TBC1D22A: variants seen among roughly 807,000 people sequenced by gnomAD.
The protein encoded by TBC1D22A is putative GTPase activator.
Under a neutral mutation model 60.2 loss-of-function variants are expected in TBC1D22A, and 38 were observed. The ratio of observed to expected loss-of-function variants is 0.63; its 90% CI spans 0.49 to 0.83. The LOEUF (loss-of-function observed/expected upper bound fraction) is 0.83, where lower values mean the gene tolerates loss of function less well. Among genes scored for constraint, TBC1D22A ranks in the 40% least tolerant of loss-of-function variants. The probability of loss-of-function intolerance (pLI) is 0.00; values close to 1 mark genes in which losing one functional copy is unlikely to be tolerated. For synonymous variants in TBC1D22A, 302 were observed against 281.7 expected, an observed-to-expected ratio of 1.07 and a Z score of -0.72; for missense variants, 628 against 701.0, an observed-to-expected ratio of 0.90 and a Z score of 1.18.
chr22:47,052,065 C>G (rs1311241837), intron 11 of TBC1D22A, among the ~76,000 whole-genome samples: 2 of 141,028 alleles, frequency 1.4e-5, no homozygotes, highest in African/African-American at 4.9e-5. Flanking sequence ...GGGGCAGGCT[C>G]TCACTGGGCC....
chr22:47,137,217 G>A lies in TBC1D22A; in HGVS notation c.1425+25614G>A, dbSNP rs541394521. On this transcript the variant is annotated intron_variant, in intron 12 of 12. Coordinates refer to ENST00000337137, the MANE Select transcript of TBC1D22A (RefSeq NM_014346.5). ...GGTAGGATTTCTCAGTTCAACTTTG[G>A]GGTGTTTGTTTTTTGAGATAAAGCA... Among the ~76,000 whole-genome samples, 196 of 152,246 alleles carry A rather than the reference G, an allele frequency of 1.3e-3. 1 individual carries two copies. Among genetic ancestry groups the A allele is most frequent in the Admixed American group, 2.2e-3 (33 of 15,290 alleles).
At chr22:46,845,877 C>T (rs1375809335) in intron 4 of TBC1D22A, among the ~76,000 whole-genome samples, 6 of 152,208 alleles carry the variant, frequency 3.9e-5, no homozygotes, top group Admixed American at 3.9e-4. Flanking sequence ...GGTCGCCAGC[C>T]CTCAGGAAGG....
At chr22:47,159,331 A>ACACACCATGTACACACACAC (rs1556338883) in intron 12 of TBC1D22A, among the ~76,000 whole-genome samples, 964 of 77,582 alleles carry the variant, frequency 0.012, 10 homozygotes, top group African/African-American at 0.028. Context: ...ACACATGTAT[A>ACACACCATGTACACACACAC]CACACACACC....
chr22:46,828,038 C>T (rs573787121), intron 4 of TBC1D22A, among the ~76,000 whole-genome samples: 15 of 152,292 alleles, frequency 9.8e-5, no homozygotes, highest in South Asian at 2.1e-4. Context: ...ATTCCCAGGA[C>T]TTTCACGCCC....
At chr22:46,795,197 G>A (rs772126925) in intron 3 of TBC1D22A, among the ~76,000 whole-genome samples, 2 of 152,224 alleles carry the variant, frequency 1.3e-5, no homozygotes, top group Non-Finnish European at 2.9e-5. Context: ...TGCACTGACC[G>A]CCTTCTGCAG....
intron 8 of TBC1D22A, among the ~76,000 whole-genome samples, chr22:46,931,463 C>T (rs1212248968): frequency 6.6e-6 from 1 of 152,238 alleles, no homozygotes; most frequent in Non-Finnish European, 1.5e-5. Context: ...TAAGAGGTAT[C>T]CTCCCACTTT....
At chr22:46,915,031 C>T (rs2070253031) in intron 8 of TBC1D22A, 3 of 231,494 alleles carry the variant, frequency 1.3e-5, no homozygotes, top group South Asian at 6.5e-5. Flanking sequence ...GCAGAAGGGC[C>T]GGCCTGGAAT....
intron 12 of TBC1D22A, among the ~76,000 whole-genome samples, chr22:47,141,687 G>A (rs1280768547): frequency 2.0e-5 from 3 of 152,188 alleles, no homozygotes; most frequent in East Asian, 1.9e-4. Context: ...TGAGCCACAC[G>A]CCTGTTTGTG....
chr22:46,959,133 G>C (rs1233496786), intron 8 of TBC1D22A, among the ~76,000 whole-genome samples: 1 of 152,152 alleles, frequency 6.6e-6, no homozygotes, highest in Non-Finnish European at 1.5e-5. Context: ...CCTGGATGAG[G>C]AACTGTGGGG....
chr22:47,090,950 A>G (rs2064918886), intron 11 of TBC1D22A, among the ~76,000 whole-genome samples: 1 of 132,210 alleles, frequency 7.6e-6, no homozygotes, highest in African/African-American at 3.0e-5. Flanking sequence ...CTGCGTGTTG[A>G]TAGAGACAGG....
At chr22:47,159,288 T>G (rs568798226) in intron 12 of TBC1D22A, among the ~76,000 whole-genome samples, 345 of 140,716 alleles carry the variant, frequency 2.5e-3, no homozygotes, top group African/African-American at 9.1e-3. Flanking sequence ...ATACACACAC[T>G]ACACACCCCA....
chr22:46,890,988 C>G (rs547511844), intron 5 of TBC1D22A, among the ~76,000 whole-genome samples: 117 of 152,300 alleles, frequency 7.7e-4, no homozygotes, highest in African/African-American at 2.8e-3. Context: ...GCCTGTGGGA[C>G]TGTTGTCCAG....
intron 4 of TBC1D22A, among the ~76,000 whole-genome samples, chr22:46,827,376 G>A (rs2086115442): frequency 6.6e-6 from 1 of 152,216 alleles, no homozygotes; most frequent in Non-Finnish European, 1.5e-5. Context: ...TCTTAATGAC[G>A]TTGGCATTTT....
At chr22:46,913,432 T>C (rs773036735) in intron 8 of TBC1D22A, 2 of 1,365,176 alleles carry the variant, frequency 1.5e-6, no homozygotes, top group Admixed American at 1.9e-5. Context: ...CCTCAGAAGA[T>C]GAGGACATAT....
At chr22:47,162,381 C>T (rs114853736) in intron 12 of TBC1D22A, among the ~76,000 whole-genome samples, 1,544 of 152,212 alleles carry the variant, frequency 0.01, 21 homozygotes, top group African/African-American at 0.035. Context: ...GTGGCATTGA[C>T]TGAGGCCCCC....
At chr22:46,788,389 A>G (rs2084258303) in intron 1 of TBC1D22A, among the ~76,000 whole-genome samples, 1 of 152,234 alleles carries the variant, frequency 6.6e-6, no homozygotes. Flanking sequence ...TACTACTATT[A>G]TTCTCTATGC....
intron 8 of TBC1D22A, among the ~76,000 whole-genome samples, chr22:46,955,552 T>A (rs1343846873): frequency 6.6e-6 from 1 of 152,232 alleles, no homozygotes; most frequent in Admixed American, 6.5e-5. Context: ...CCATTTCTTA[T>A]GTTCGGGAAG....
chr22:47,170,723 C>T (rs980399880), intron 12 of TBC1D22A, among the ~76,000 whole-genome samples: 20 of 136,834 alleles, frequency 1.5e-4, no homozygotes, highest in African/African-American at 1.3e-4. Flanking sequence ...GATGCAGGAC[C>T]GGAGAGAGGA....
chr22:46,837,152 C>T (rs1294307832), intron 4 of TBC1D22A, among the ~76,000 whole-genome samples: 1 of 152,042 alleles, frequency 6.6e-6, no homozygotes, highest in Non-Finnish European at 1.5e-5. Context: ...TCACAAGAGA[C>T]AAGGGCATTG....
Sources: allele counts gnomAD v4.1 joint callset (sites outside exome capture counted in the v4.1 genomes callset), GRCh38; gene constraint gnomAD v4.1.1; transcripts MANE v1.5; gene names NCBI Gene and HGNC (gene_info 2026-07-23, HGNC 2026-07-21).